Variants in NDUFB8 observed in about 807,000 individuals in gnomAD.
NDUFB8 encodes NADH:ubiquinone oxidoreductase subunit B8, also known as NADH dehydrogenase [ubiquinone] 1 beta subcomplex subunit 8, mitochondrial.
NDUFB8 carries 17 observed loss-of-function variants against 26.0 expected under a neutral mutation model. The ratio of observed to expected loss-of-function variants is 0.65; its 90% CI spans 0.45 to 0.98. NDUFB8 has a LOEUF of 0.98. NDUFB8 is among the 50% of genes least tolerant of loss of function. The pLI, the probability that NDUFB8 is intolerant of heterozygous loss-of-function variation, is 0.00. For missense variants in NDUFB8, 238 were observed against 255.0 expected, an observed-to-expected ratio of 0.93 and a Z score of 0.45; for synonymous variants, 89 against 93.1, an observed-to-expected ratio of 0.96 and a Z score of 0.25.
chr10:100,527,022 A>G lies in NDUFB8; in HGVS notation c.265T>C (p.Trp89Arg). 1 of 1,614,126 alleles carries G rather than the reference A, an allele frequency of 6.2e-7. No individual in the cohort carries two copies. The highest frequency in any genetic ancestry group is 1.3e-5 in the African/African-American group (1 of 75,052). Residue 89 changes from tryptophan (W) to arginine (R), a missense_variant, in exon 3 of 5, where the codon TGG (tryptophan) becomes CGG (arginine). Coordinates refer to ENST00000299166, the MANE Select transcript of NDUFB8 (RefSeq NM_005004.4). The part of the protein sequence containing the change: ...PDRSQHERDP[W>R]YSWDQPGLRL... ...AGGCCCGGCTGGTCCCAGCTATACC[A>G]TGGATCTCTCTCATGCTGTGAGCGG... is the stretch of plus-strand genomic sequence containing the variant.
chr10:100,529,479 G>T lies in NDUFB8; in HGVS notation c.113C>A (p.Pro38Gln), dbSNP rs759204762. Residue 38 changes from proline to glutamine, a missense_variant, in exon 2 of 5, where the codon CCG (proline) becomes CAG (glutamine). Pro to Gln is a moderately conservative substitution (Grantham distance 76, BLOSUM62 -1). Coordinates refer to ENST00000299166, the MANE Select transcript of NDUFB8 (RefSeq NM_005004.4). ...TTCTGGGGTCCTAGGATAGGGCCCC[G>T]GGAACATGTCCTTGGTCATGTGGGA... ...TASHMTKDMF[P>Q]GPYPRTPEER... 1 of 1,612,346 alleles carries T rather than the reference G, an allele frequency of 6.2e-7. No homozygotes were observed. Among genetic ancestry groups the T allele is most frequent in the Non-Finnish European group, 8.5e-7 (1 of 1,179,582 alleles).
intron 2 of NDUFB8, 73 bp downstream of exon 2, chr10:100,529,305 TCA>T (rs1852106138): frequency 3.0e-6 from 4 of 1,315,698 alleles, no homozygotes; most frequent in Non-Finnish European, 3.9e-6. Context: ...GGAAAAAGGG[TCA>T]CAGTCAAGCC....
chr10:100,526,879 C>G (rs1323634904), intron 3 of NDUFB8, 96 bp downstream of exon 3: 13 of 1,207,560 alleles, frequency 1.1e-5, no homozygotes. Flanking sequence ...AGCAGGAAAG[C>G]TTAGTGTTAC....
rs1230695725 is a variant in NDUFB8, at chr10:100,524,277, T to C, written c.469-348A>G. 1 of 754,794 alleles carries C rather than the reference T, an allele frequency of 1.3e-6. No homozygotes were observed. The highest frequency in any genetic ancestry group is 2.3e-6 in the Non-Finnish European group (1 of 442,004). 46.8% of individuals were successfully genotyped at this position (754,794 alleles called of 1,614,324 possible). Reference sequence around the variant, plus strand: ...AACACTTTCTAAATGAGACGATGCATCCATCCATCCCACTCTCTCTCGGGG... The same window carrying C: ...AACACTTTCTAAATGAGACGATGCACCCATCCATCCCACTCTCTCTCGGGG... On this transcript the variant is annotated intron_variant, in intron 4 of 4. Coordinates refer to ENST00000299166, the MANE Select transcript of NDUFB8 (RefSeq NM_005004.4). This position sits in a 1 kb window ranked among gnomAD's most constrained non-coding sequence, Gnocchi z 4.0.
chr10:100,529,731 C>A (rs181643313), intron 1 of NDUFB8, 36 bp downstream of exon 1: 1 of 1,601,420 alleles, frequency 6.2e-7, no homozygotes, highest in African/African-American at 1.3e-5. Context: ...TCAGGTACCC[C>A]CTTCCCACAC....
Position 100,529,493 on chromosome 10 carries a change from G to C in NDUFB8, c.99C>G (p.Thr33=), listed in dbSNP as rs751413358. ...PLGARTASHM[T]KDMFPGPYPR... is the part of the protein sequence containing the mutation. ...GATAGGGCCCCGGGAACATGTCCTT[G>C]GTCATGTGGGAGGCTAGAACGCAGA... Residue 33 remains threonine, a synonymous_variant, in exon 2 of 5, where the codon ACC becomes ACG. Coordinates refer to ENST00000299166, the MANE Select transcript of NDUFB8 (RefSeq NM_005004.4). 2 of 1,611,898 alleles carry C rather than the reference G, an allele frequency of 1.2e-6. No homozygotes were observed. Among genetic ancestry groups the C allele is most frequent in the Non-Finnish European group, 1.7e-6 (2 of 1,179,462 alleles).
chr10:100,529,269 A>T, intron 2 of NDUFB8, 111 bp downstream of exon 2: 5 of 881,218 alleles, frequency 5.7e-6, no homozygotes, highest in Non-Finnish European at 7.2e-6. Flanking sequence ...CACTCCATTG[A>T]CTCTGAGGGG....
upstream of NDUFB8, chr10:100,529,913 G>A: frequency 6.4e-7 from 1 of 1,551,124 alleles, no homozygotes; most frequent in East Asian, 2.4e-5. Flanking sequence ...CGGCTGAGCC[G>A]GGCCAAACGT....
At chr10:100,526,237 A>C in intron 4 of NDUFB8, 162 bp downstream of exon 4, 1 of 692,402 alleles carries the variant, frequency 1.4e-6, no homozygotes, top group Non-Finnish European at 2.2e-6. Flanking sequence ...GTGCTGTGGT[A>C]CTTGTGGCAG....
Position 100,529,366 on chromosome 10 carries a change from CCT to C in NDUFB8, c.212+12_212+13del, listed in dbSNP as rs776489672. 13 of 1,586,858 alleles carry C rather than the reference CCT, an allele frequency of 8.2e-6. No homozygotes were observed. Among genetic ancestry groups the C allele is most frequent in the Admixed American group, 3.8e-5 (2 of 52,662 alleles). ...CATCACTACTTGGGTGCGAGCATAC[CCT>C]CTCTGTCTCACCCCATGCCATCATC... On this transcript the variant is annotated intron_variant, in intron 2 of 4. Coordinates refer to ENST00000299166, the MANE Select transcript of NDUFB8 (RefSeq NM_005004.4).
chr10:100,525,559 G>A (rs945957553), intron 4 of NDUFB8, among the ~76,000 whole-genome samples: 1 of 151,786 alleles, frequency 6.6e-6, no homozygotes, highest in African/African-American at 2.4e-5. Context: ...ATACCTGGCC[G>A]CCTTCATTGT....
At chr10:100,526,273 T>A in intron 4 of NDUFB8, 126 bp downstream of exon 4, 1 of 1,150,344 alleles carries the variant, frequency 8.7e-7, no homozygotes, top group Non-Finnish European at 1.2e-6. Context: ...CCCTCCTATC[T>A]TCCTATCTCC....
Position 100,526,014 on chromosome 10 carries a change from C to T in NDUFB8, c.468+385G>A, listed in dbSNP as rs575121318. On this transcript the variant is annotated intron_variant, in intron 4 of 4. Coordinates refer to ENST00000299166, the MANE Select transcript of NDUFB8 (RefSeq NM_005004.4). Reference sequence around the variant, plus strand: ...ACTCTTAATTGCTTCCAATATACTACAGGACGTGCCCTTCACAAGTCCAAC... The same window carrying T: ...ACTCTTAATTGCTTCCAATATACTATAGGACGTGCCCTTCACAAGTCCAAC... The T allele has an allele frequency of 3.5e-5, 6 of 170,584 alleles. No homozygotes were observed. The East Asian group carries it at 8.9e-4, about 25-fold the overall frequency. 10.6% of individuals were successfully genotyped at this position (170,584 alleles called of 1,614,324 possible).
rs139653725 is a variant in NDUFB8, at chr10:100,529,802, G to C, written c.50C>G (p.Ala17Gly). Residue 17 changes from alanine (A) to glycine (G), a missense_variant, in exon 1 of 5, where the codon GCA becomes GGA. By Grantham distance (60) the Ala-to-Gly change is moderately conservative (BLOSUM62 0). Coordinates refer to ENST00000299166, the MANE Select transcript of NDUFB8 (RefSeq NM_005004.4). ...GCCCAGCGGCATCACGTTCCGGGAT[G>C]CCCTTTGCAGCCACTGGACTCCCAA... ...GVLGVQWLQR[A>G]SRNVMPLGAR... 1 of 1,613,652 alleles carries C rather than the reference G, an allele frequency of 6.2e-7. No individual in the cohort carries two copies. The highest frequency in any genetic ancestry group is 1.3e-5 in the African/African-American group (1 of 74,924).
rs1852063429 is a variant in NDUFB8 at position 100,527,020 on chromosome 10, C to T, written c.267G>A (p.Trp89Ter). ...PDRSQHERDP[W>*]YSWDQPGLRL... The stretch of plus-strand genomic sequence containing the variant: ...TCAGGCCCGGCTGGTCCCAGCTATA[C>T]CATGGATCTCTCTCATGCTGTGAGC... The change falls in exon 3 of 5, where the codon TGG becomes TGA. Residue 89 changes from tryptophan to a stop codon, truncating the protein, a stop_gained. Coordinates refer to ENST00000299166, the MANE Select transcript of NDUFB8 (RefSeq NM_005004.4). LOFTEE classifies it high-confidence loss of function. 1.2e-6 allele frequency: 2 copies of T among 1,614,034 alleles called. No homozygotes were observed. The highest frequency in any genetic ancestry group is 8.5e-7 in the Non-Finnish European group (1 of 1,180,034).
In NDUFB8 at chr10:100,524,094, C is replaced by G. The variant is rs955956821; in HGVS notation, c.469-165G>C. 6.3e-7 allele frequency: 1 copy of G among 1,577,822 alleles called. No homozygotes were observed. Among genetic ancestry groups the G allele is most frequent in the Non-Finnish European group, 8.6e-7 (1 of 1,161,918 alleles). The stretch of plus-strand genomic sequence containing the variant: ...ACAGCACTCCTCTTCCTCACTCAGC[C>G]CAAGGCAGAGAGAAAGCCTAAATTG... On this transcript the variant is annotated intron_variant, in intron 4 of 4. Transcript: ENST00000299166. This position sits in a 1 kb window ranked among gnomAD's most constrained non-coding sequence, Gnocchi z 4.0.
rs1489713817 is a variant in NDUFB8, at chr10:100,529,839, T to C, written c.13A>G (p.Arg5Gly). The C allele has an allele frequency of 2.5e-6, 4 of 1,605,392 alleles. No individual in the cohort carries two copies. Among genetic ancestry groups the C allele is most frequent in the Non-Finnish European group, 2.6e-6 (3 of 1,175,758 alleles). Residue 5 changes from arginine (R) to glycine (G), a missense_variant, in exon 1 of 5, where the codon AGG becomes GGG. Transcript: ENST00000299166. MAVA[R>G]AGVLGVQWLQ... ...CACTGGACTCCCAAGACCCCGGCCC[T>C]GGCCACCGCCATCTTCACCTTCTTC...
intron 4 of NDUFB8, 56 bp from the exon 5 acceptor site, chr10:100,523,985 A>T: frequency 1.2e-6 from 2 of 1,611,270 alleles, no homozygotes; most frequent in Non-Finnish European, 1.7e-6. Context: ...ACCTGGCTAC[A>T]CCCCACTCTG....
At chr10:100,526,654 T>C (rs566397507) in intron 3 of NDUFB8, 100 bp from the exon 4 acceptor site, 2 of 1,395,044 alleles carry the variant, frequency 1.4e-6, no homozygotes, top group Admixed American at 2.1e-5. Flanking sequence ...GACAGAAGCA[T>C]TCTACTGCCC....
Sources: gnomAD v4.1 joint callset for allele counts (sites outside exome capture counted in the v4.1 genomes callset) on GRCh38, gnomAD v4.1.1 for gene constraint, Gnocchi (gnomAD v3.1) non-coding constraint, MANE v1.5 for transcripts, NCBI Gene and HGNC (gene_info 2026-07-23, HGNC 2026-07-21) for gene names.